HNRNPH1: variants seen among roughly 807,000 people sequenced by gnomAD.
The protein encoded by HNRNPH1 is heterogeneous nuclear ribonucleoprotein H.
A neutral mutation model predicts 58.6 loss-of-function variants in HNRNPH1; 4 were observed. The ratio of observed to expected loss-of-function variants is 0.07; its 90% CI spans 0.03 to 0.16. The LOEUF (loss-of-function observed/expected upper bound fraction) is 0.16. Among genes scored for constraint, HNRNPH1 ranks in the 10% least tolerant of loss-of-function variants. The pLI is 1.00. For synonymous variants in HNRNPH1, 192 were observed against 189.2 expected (o/e 1.01, Z -0.12); for missense variants, 271 against 564.2 (o/e 0.48, Z 5.26).
At chr5:179,634,167 G>A (rs1034804091) in intron 1 of HNRNPH1, 6 of 141,022 alleles carry the variant, frequency 4.3e-5, no homozygotes, top group African/African-American at 1.3e-4. Flanking sequence ...GCTGGAGGAC[G>A]GGGTCAGGAG....
At chr5:179,624,919 G>C (rs1303882990), upstream of HNRNPH1, among the ~76,000 whole-genome samples, 1 of 152,198 alleles carries the variant, frequency 6.6e-6, no homozygotes, top group African/African-American at 2.4e-5. Flanking sequence ...AAAAAGTAGA[G>C]AGGACATCAA....
intron 11 of HNRNPH1, 27 bp from the exon 13 acceptor site, chr5:179,615,622 CTA>C: frequency 7.7e-7 from 1 of 1,297,952 alleles, no homozygotes; most frequent in Non-Finnish European, 1.1e-6. Flanking sequence ...TAGGGTAAGA[CTA>C]TAATACCAAA....
chr5:179,624,190 CGAAGCTGGTCAGCTGCA>C (rs1774093435), exon 1 of HNRNPH1: 4 of 266,816 alleles, frequency 1.5e-5, no homozygotes, highest in Non-Finnish European at 2.1e-5. Flanking sequence ...CCAAACCGGC[CGAAGCTGGTCAGCTGCA>C]GATTGTCGAA....
exon 3 of HNRNPH1, chr5:179,620,990 G>A: frequency 6.2e-7 from 1 of 1,613,940 alleles, no homozygotes; most frequent in Non-Finnish European, 8.5e-7. Context: ...ATTTGGACCA[G>A]TATGCTTCAA....
At chr5:179,625,963 A>AT (rs1478641132), upstream of HNRNPH1, among the ~76,000 whole-genome samples, 2 of 150,930 alleles carry the variant, frequency 1.3e-5, no homozygotes, top group African/African-American at 4.9e-5. Context: ...TTATTTATTT[A>AT]TTTTTTGTAG....
At chr5:179,632,753 C>T (rs1421376978) in intron 2 of HNRNPH1, among the ~76,000 whole-genome samples, 17 of 91,994 alleles carry the variant, frequency 1.8e-4, no homozygotes, top group Admixed American at 7.5e-4. Context: ...AATCAAATAT[C>T]TTTTTTTTTT....
exon 13 of HNRNPH1, chr5:179,614,832 A>T: frequency 8.2e-7 from 1 of 1,225,894 alleles, no homozygotes; most frequent in Non-Finnish European, 1.2e-6. Flanking sequence ...AGTGATCAGG[A>T]TCGATCAATT....
chr5:179,631,171 G>A (rs1384589830), intron 2 of HNRNPH1, among the ~76,000 whole-genome samples: 1 of 147,334 alleles, frequency 6.8e-6, no homozygotes, highest in Non-Finnish European at 1.5e-5. Context: ...GTAACATAAT[G>A]GTTTGTTGCC....
chr5:179,617,137 A>C, intron 8 of HNRNPH1, 27 bp from the exon 10 acceptor site: 1 of 1,606,812 alleles, frequency 6.2e-7, no homozygotes. Context: ...AAAGTTTGAA[A>C]ATGTTTGTTG....
chr5:179,633,203 G>A (rs959921029), intron 2 of HNRNPH1, among the ~76,000 whole-genome samples: 1 of 151,774 alleles, frequency 6.6e-6, no homozygotes, highest in Non-Finnish European at 1.5e-5. Context: ...TGTTGGTCAT[G>A]CTGGTGTTGA....
intron 11 of HNRNPH1, 86 bp downstream of exon 12, chr5:179,616,040 C>T: frequency 8.5e-7 from 1 of 1,170,252 alleles, no homozygotes; most frequent in Non-Finnish European, 1.3e-6. Context: ...AGTACAGTAA[C>T]AGGCTTTACC....
intron 2 of HNRNPH1, among the ~76,000 whole-genome samples, chr5:179,632,851 A>ATT (rs56128695): frequency 0.089 from 5,114 of 57,552 alleles, 781 homozygotes; most frequent in South Asian, 0.13. Context: ...AGCCCGGCGA[A>ATT]TTTTTTTTTT....
intron 8 of HNRNPH1, 141 bp from the exon 10 acceptor site, chr5:179,617,251 TCTA>T (rs2127622694): frequency 2.3e-6 from 2 of 852,878 alleles, no homozygotes; most frequent in East Asian, 5.3e-5. Context: ...TCTTAGGTGA[TCTA>T]CTTTAACTCC....
upstream of HNRNPH1, among the ~76,000 whole-genome samples, chr5:179,625,777 TTTTA>T (rs71001015): frequency 1.0e-4 from 15 of 150,126 alleles, no homozygotes; most frequent in African/African-American, 2.7e-4. Flanking sequence ...AATTTTTATT[TTTTA>T]TTTGTTTGTT....
chr5:179,616,202 G>A lies in HNRNPH1; in HGVS notation c.1224C>T (p.Tyr408=), dbSNP rs114976119. 31 of 1,614,082 alleles carry A rather than the reference G, an allele frequency of 1.9e-5. No homozygotes were observed. Among genetic ancestry groups the A allele is most frequent in the East Asian group, 1.1e-4 (5 of 44,888 alleles). ...TCAGCTGCTGGCTGGCTGGGCCCCC[G>A]TAGCTGGACTGGTTTGCTGTTAAGT... The change falls in exon 11 of 13, where the codon TAC becomes TAT. Residue 408 remains tyrosine, a synonymous_variant. Coordinates refer to ENST00000356731, the Ensembl canonical transcript of HNRNPH1.
At chr5:179,621,375 A>G (rs1772223307) in exon 2 of HNRNPH1, 1 of 1,613,246 alleles carries the variant, frequency 6.2e-7, no homozygotes, top group African/African-American at 1.3e-5. Context: ...GAATACCTTG[A>G]GCCCCATTTT....
Position 179,617,970 on chromosome 5 carries a change from A to G in HNRNPH1, c.787+19T>C. On this transcript the variant is annotated intron_variant, in intron 6 of 12. Transcript: ENST00000356731. ...GAGTGTAAGCATCCTTCAACTGAGAAATTCAATTCTTACCTTACCTCTTCC... is the reference window on the plus strand; with the variant it reads ...GAGTGTAAGCATCCTTCAACTGAGAGATTCAATTCTTACCTTACCTCTTCC... The G allele has an allele frequency of 1.9e-6, 3 of 1,614,046 alleles. No individual in the cohort carries two copies. The highest frequency in any genetic ancestry group is 2.5e-6 in the Non-Finnish European group (3 of 1,179,904).
exon 13 of HNRNPH1, chr5:179,614,788 A>G (rs989874000): frequency 3.9e-4 from 190 of 481,396 alleles, no homozygotes; most frequent in African/African-American, 3.0e-3. Flanking sequence ...CTTAAAGAAA[A>G]AAAAAAAAAA....
chr5:179,622,429 G>A (rs1341094347), intron 1 of HNRNPH1, among the ~76,000 whole-genome samples: 1 of 152,170 alleles, frequency 6.6e-6, no homozygotes, highest in Non-Finnish European at 1.5e-5. Flanking sequence ...AAGACACCCG[G>A]GCCAGGCGCG....
Sources: allele counts gnomAD v4.1 joint callset (sites outside exome capture counted in the v4.1 genomes callset), GRCh38; gene constraint gnomAD v4.1.1; transcripts MANE v1.5; gene names NCBI Gene and HGNC (gene_info 2026-07-23, HGNC 2026-07-21).